Variants in CEP83 observed in about 807,000 individuals in gnomAD.
CEP83 encodes the protein centrosomal protein 83.
A neutral mutation model predicts 101.9 loss-of-function variants in CEP83; 70 were observed. The ratio of observed to expected loss-of-function variants is 0.69; its 90% confidence interval spans 0.57 to 0.84. The LOEUF is 0.84. Ranked by LOEUF, CEP83 falls within the 40% of genes least tolerant of loss-of-function variation. CEP83 has a pLI of 0.00. For missense variants in CEP83, 715 were observed against 787.2 expected (o/e 0.91, Z 1.10); for synonymous variants, 264 against 267.9 (o/e 0.99, Z 0.14).
chr12:94,303,803 C>T (rs1456983665), downstream of CEP83: 3 of 1,500,928 alleles, frequency 2.0e-6, no homozygotes, highest in Admixed American at 1.8e-5. Context: ...TCCCAACCTA[C>T]AAAGAAGAAG....
chr12:94,314,486 A>C (rs1970352053), intron 14 of CEP83, among the ~76,000 whole-genome samples: 1 of 152,180 alleles, frequency 6.6e-6, no homozygotes, highest in East Asian at 1.9e-4. Context: ...GTCTTTTATT[A>C]ATGACTTTAT....
At chr12:94,266,208 C>T in the CEP83 span, among the ~76,000 whole-genome samples, 2 of 152,068 alleles carry the variant, frequency 1.3e-5, no homozygotes, top group African/African-American at 4.8e-5. Context: ...TGCCGTGGAG[C>T]GTGTTATGGT....
chr12:94,323,271 G>A (rs1388063481), intron 14 of CEP83, among the ~76,000 whole-genome samples: 1 of 152,102 alleles, frequency 6.6e-6, no homozygotes, highest in African/African-American at 2.4e-5. Flanking sequence ...GGTATCTAAA[G>A]CTCCCAGGGC....
chr12:94,426,981 A>AT (rs375625188), intron 2 of CEP83, among the ~76,000 whole-genome samples: 1 of 152,218 alleles, frequency 6.6e-6, no homozygotes, highest in Non-Finnish European at 1.5e-5. Context: ...TGAAAGAATA[A>AT]TTTTTTTGTT....
the CEP83 span, among the ~76,000 whole-genome samples, chr12:94,280,530 G>A: frequency 6.6e-6 from 1 of 152,222 alleles, no homozygotes; most frequent in African/African-American, 2.4e-5. Context: ...CCATGCAAAT[G>A]TGGGGCAACT....
chr12:94,341,960 T>C (rs897120827), intron 11 of CEP83, among the ~76,000 whole-genome samples: 1 of 152,160 alleles, frequency 6.6e-6, no homozygotes, highest in African/African-American at 2.4e-5. Context: ...GTAGGATGCC[T>C]GGGGAGGGTC....
At chr12:94,376,564 A>G (rs2061546468) in intron 7 of CEP83, among the ~76,000 whole-genome samples, 1 of 152,004 alleles carries the variant, frequency 6.6e-6, no homozygotes, top group Non-Finnish European at 1.5e-5. Flanking sequence ...AAGATTGTTA[A>G]TGAAGTCTGC....
intron 7 of CEP83, among the ~76,000 whole-genome samples, chr12:94,377,618 TTTTCA>T (rs2061620384): frequency 6.6e-6 from 1 of 152,368 alleles, no homozygotes; most frequent in Non-Finnish European, 1.5e-5. Flanking sequence ...CATACGCTTA[TTTTCA>T]TTTCATCTGA....
chr12:94,306,895 A>AAAC (rs1969082401), downstream of CEP83: 2 of 152,330 alleles, frequency 1.3e-5, no homozygotes, highest in South Asian at 4.1e-4. Context: ...CAAACAAACA[A>AAAC]AACTACCAAA....
At chr12:94,393,902 G>C (rs555042267) in intron 6 of CEP83, among the ~76,000 whole-genome samples, 1 of 152,224 alleles carries the variant, frequency 6.6e-6, no homozygotes, top group East Asian at 1.9e-4. Context: ...AAATACTTAG[G>C]AATCCAACTT....
At chr12:94,397,569 T>C (rs1261236248) in intron 6 of CEP83, among the ~76,000 whole-genome samples, 1 of 152,168 alleles carries the variant, frequency 6.6e-6, no homozygotes, top group East Asian at 1.9e-4. Context: ...GAGAATCACT[T>C]AGTCCTTCAT....
At chr12:94,327,170 T>C (rs1021853442) in intron 14 of CEP83, among the ~76,000 whole-genome samples, 4 of 152,224 alleles carry the variant, frequency 2.6e-5, no homozygotes, top group Non-Finnish European at 5.9e-5. Context: ...GTCAAATCGA[T>C]GCCTTAGTGT....
intron 2 of CEP83, chr12:94,423,786 T>C: frequency 6.2e-7 from 1 of 1,613,692 alleles, no homozygotes; most frequent in East Asian, 2.2e-5. Flanking sequence ...GCTCTGAGGG[T>C]GTGTCCACTG....
intron 11 of CEP83, among the ~76,000 whole-genome samples, chr12:94,343,469 ACT>A (rs2059784666): frequency 7.9e-6 from 1 of 126,166 alleles, no homozygotes; most frequent in Non-Finnish European, 1.7e-5. Context: ...CTAGAAATTA[ACT>A]TTTTTTTTTT....
chr12:94,296,291 G>T, the CEP83 span, among the ~76,000 whole-genome samples: 1 of 152,104 alleles, frequency 6.6e-6, no homozygotes, highest in East Asian at 1.9e-4. Context: ...CTCCCAAGTA[G>T]CTGGGATTAC....
chr12:94,344,298 C>A (rs555782656), intron 11 of CEP83, among the ~76,000 whole-genome samples: 4 of 152,070 alleles, frequency 2.6e-5, no homozygotes, highest in East Asian at 1.9e-4. Flanking sequence ...ATGGGATACA[C>A]GTAAAGCAGT....
intron 11 of CEP83, among the ~76,000 whole-genome samples, chr12:94,341,203 G>GT (rs1291834709): frequency 6.6e-6 from 1 of 150,774 alleles, no homozygotes; most frequent in Non-Finnish European, 1.5e-5. Flanking sequence ...TAAGCTAGTG[G>GT]TAAAAAAAAA....
intron 11 of CEP83, among the ~76,000 whole-genome samples, chr12:94,352,663 A>C (rs2060257235): frequency 6.6e-6 from 1 of 152,156 alleles, no homozygotes; most frequent in African/African-American, 2.4e-5. Context: ...AAAAGAACCA[A>C]ACAGAATCCT....
chr12:94,279,766 C>T, the CEP83 span: 1 of 922,888 alleles, frequency 1.1e-6, no homozygotes, highest in South Asian at 1.4e-5. Context: ...GACACTTACA[C>T]AGCCAGGTTG....
Sources: allele counts gnomAD v4.1 joint callset (sites outside exome capture counted in the v4.1 genomes callset), GRCh38; gene constraint gnomAD v4.1.1; transcripts MANE v1.5; gene names NCBI Gene and HGNC (gene_info 2026-07-23, HGNC 2026-07-21).